SLC15A1: variants seen among roughly 807,000 people sequenced by gnomAD.
The protein encoded by SLC15A1 is Caco-2 oligopeptide transporter.
SLC15A1 carries 83 observed loss-of-function variants against 92.9 expected under a neutral mutation model. That is an observed-to-expected ratio of 0.89 (90% CI 0.75 to 1.07). The LOEUF (loss-of-function observed/expected upper bound fraction) is 1.07, where lower values mean the gene tolerates loss of function less well. Ranked by LOEUF, SLC15A1 falls within the 50% of genes least tolerant of loss-of-function variation. The pLI is 0.00. For missense variants in SLC15A1, 857 were observed against 880.1 expected (o/e 0.97, Z 0.33); for synonymous variants, 322 against 318.2 (o/e 1.01, Z -0.13).
At chr13:98,705,428 G>A in intron 16 of SLC15A1, among the ~76,000 whole-genome samples, 1 of 152,156 alleles carries the variant, frequency 6.6e-6, no homozygotes, top group Non-Finnish European at 1.5e-5. Flanking sequence ...TGAGATGCCA[G>A]CAGCATACTC....
chr13:98,750,116 ATTTTTT>A (rs1288226088), intron 1 of SLC15A1, among the ~76,000 whole-genome samples: 1 of 145,254 alleles, frequency 6.9e-6, no homozygotes, highest in Non-Finnish European at 1.5e-5. Context: ...CCAAAGCAAC[ATTTTTT>A]TTTTTTTGAG....
chr13:98,745,746 A>G (rs533129342), intron 1 of SLC15A1, among the ~76,000 whole-genome samples: 1 of 152,184 alleles, frequency 6.6e-6, no homozygotes, highest in East Asian at 1.9e-4. Context: ...GTGAGAGAAG[A>G]CTTTTCTGTT....
At position 98,724,041 on chromosome 13, in the gene SLC15A1, CA is replaced by C. The variant is rs1445351063; in HGVS notation, c.246-11del. 2.5e-6 allele frequency: 4 copies of C among 1,613,620 alleles called. No homozygotes were observed. The highest frequency in any genetic ancestry group is 2.5e-6 in the Non-Finnish European group (3 of 1,179,842). Reference sequence around the variant, plus strand: ...GAGCGACACAATGGTCCTGTGTTTCCAAAGATTAAGAGAATCCGAGTTAATT... The same window carrying C: ...GAGCGACACAATGGTCCTGTGTTTCCAAGATTAAGAGAATCCGAGTTAATT... On this transcript the variant is annotated splice_polypyrimidine_tract_variant and intron_variant, in intron 4 of 22. Coordinates refer to ENST00000376503, the MANE Select transcript of SLC15A1 (RefSeq NM_005073.4).
chr13:98,721,459 AAAGACCAAC>A, intron 7 of SLC15A1, 27 bp downstream of exon 7: 1 of 1,476,626 alleles, frequency 6.8e-7, no homozygotes, highest in Non-Finnish European at 9.5e-7. Context: ...CTTACTAAAA[AAAGACCAAC>A]AGAAGTTCCT....
chr13:98,704,296 T>C lies in SLC15A1; in HGVS notation c.1409A>G (p.Tyr470Cys). ...HTLLVWAPNH[Y>C]QVVKDGLNQK... Reference sequence around the variant, plus strand: ...AGGTCTTCACACACTTACCACCTGGTAGTGATTGGGGGCCCACACTAGAAG... The same window carrying C: ...AGGTCTTCACACACTTACCACCTGGCAGTGATTGGGGGCCCACACTAGAAG... The change falls in exon 17 of 23, where the codon TAC becomes TGC. Residue 470 changes from tyrosine (Y) to cysteine (C), a missense_variant. Transcript: ENST00000376503. 6.2e-7 allele frequency: 1 copy of C among 1,607,256 alleles called. No individual in the cohort carries two copies. Among genetic ancestry groups the C allele is most frequent in the Non-Finnish European group, 8.5e-7 (1 of 1,177,348 alleles).
intron 1 of SLC15A1, among the ~76,000 whole-genome samples, chr13:98,748,416 G>A (rs1046122130): frequency 6.6e-6 from 1 of 152,056 alleles, no homozygotes; most frequent in African/African-American, 2.4e-5. Flanking sequence ...TCAGCCTCCC[G>A]AGTAGCTGGG....
At chr13:98,726,729 T>C in intron 2 of SLC15A1, 114 bp downstream of exon 2, 4 of 1,082,632 alleles carry the variant, frequency 3.7e-6, no homozygotes, top group Non-Finnish European at 5.7e-6. Context: ...TCCGGGATCA[T>C]ACCCTCACTG....
At chr13:98,750,962 C>G (rs562901517) in intron 1 of SLC15A1, among the ~76,000 whole-genome samples, 1 of 152,120 alleles carries the variant, frequency 6.6e-6, no homozygotes, top group African/African-American at 2.4e-5. Context: ...ACCATGTTGG[C>G]CAGGTTGGTC....
chr13:98,743,368 G>T (rs927834941), intron 1 of SLC15A1, among the ~76,000 whole-genome samples: 1 of 152,142 alleles, frequency 6.6e-6, no homozygotes, highest in African/African-American at 2.4e-5. Context: ...CCAACCTCTC[G>T]TGGTTTTATA....
chr13:98,703,177 G>A (rs375471415), intron 17 of SLC15A1, among the ~76,000 whole-genome samples: 2 of 124,788 alleles, frequency 1.6e-5, no homozygotes, highest in African/African-American at 6.0e-5. Context: ...AGGAAGGAAG[G>A]AAGGGAGGGA....
chr13:98,742,993 C>T (rs1373391400), intron 1 of SLC15A1, among the ~76,000 whole-genome samples: 2 of 152,100 alleles, frequency 1.3e-5, no homozygotes, highest in Admixed American at 6.6e-5. Context: ...AGGCTGGTCT[C>T]AAACTTCTTG....
chr13:98,708,875 A>G (rs1177544676), intron 14 of SLC15A1, 108 bp from the exon 15 acceptor site: 1 of 591,640 alleles, frequency 1.7e-6, no homozygotes, highest in African/African-American at 2.0e-5. Flanking sequence ...TTCCAAAAAC[A>G]TGGGCTTGAA....
chr13:98,686,808 C>T (rs1283149748), intron 21 of SLC15A1, among the ~76,000 whole-genome samples: 1 of 152,198 alleles, frequency 6.6e-6, no homozygotes, highest in Non-Finnish European at 1.5e-5. Flanking sequence ...TGGTACTAGG[C>T]ATTGTGGGCT....
intron 1 of SLC15A1, among the ~76,000 whole-genome samples, chr13:98,748,117 C>T (rs1444376073): frequency 2.0e-5 from 3 of 152,146 alleles, no homozygotes; most frequent in African/African-American, 4.8e-5. Flanking sequence ...GTGTTGTTTA[C>T]GGGCTTATGT....
chr13:98,729,954 A>G (rs561262086), intron 1 of SLC15A1, among the ~76,000 whole-genome samples: 1 of 152,054 alleles, frequency 6.6e-6, no homozygotes, highest in African/African-American at 2.4e-5. Context: ...CGGGCGTGGT[A>G]GCTCACACCT....
chr13:98,728,984 A>AC (rs1410393303), intron 1 of SLC15A1, among the ~76,000 whole-genome samples: 2 of 144,336 alleles, frequency 1.4e-5, no homozygotes, highest in African/African-American at 2.5e-5. Flanking sequence ...CTGTAAAAAA[A>AC]AAAAAAAAAA....
chr13:98,709,077 C>G (rs1413705028), intron 14 of SLC15A1, among the ~76,000 whole-genome samples: 2 of 150,678 alleles, frequency 1.3e-5, no homozygotes, highest in Non-Finnish European at 2.9e-5. Context: ...AAGCAATTCT[C>G]ATGCCTCAGC....
At chr13:98,698,348 A>G (rs948918197) in intron 18 of SLC15A1, among the ~76,000 whole-genome samples, 1 of 152,220 alleles carries the variant, frequency 6.6e-6, no homozygotes, top group Non-Finnish European at 1.5e-5. Flanking sequence ...AATCTAATAA[A>G]TATTAACAAT....
At chr13:98,708,268 G>C (rs1048982487) in intron 15 of SLC15A1, among the ~76,000 whole-genome samples, 1 of 152,146 alleles carries the variant, frequency 6.6e-6, no homozygotes, top group African/African-American at 2.4e-5. Context: ...TCCAATAGAT[G>C]TGTGGATTAA....
Sources: allele counts gnomAD v4.1 joint callset (sites outside exome capture counted in the v4.1 genomes callset), GRCh38; gene constraint gnomAD v4.1.1; transcripts MANE v1.5; gene names NCBI Gene and HGNC (gene_info 2026-07-23, HGNC 2026-07-21).